Variants in GALNT13 observed in about 807,000 individuals in gnomAD.
GALNT13 encodes UDP-GalNAc:polypeptide N-acetylgalactosaminyltransferase 13.
A neutral mutation model predicts 64.2 loss-of-function variants in GALNT13; 28 were observed. The observed-to-expected ratio is 0.44, with a 90% CI of 0.32 to 0.60. The LOEUF (loss-of-function observed/expected upper bound fraction) is 0.60, where lower values mean the gene tolerates loss of function less well. Ranked by LOEUF, GALNT13 falls within the 20% of genes least tolerant of loss-of-function variation. The pLI, the probability that GALNT13 is intolerant of heterozygous loss-of-function variation, is 0.05. For missense variants in GALNT13, 577 were observed against 669.8 expected, an observed-to-expected ratio of 0.86 and a Z score of 1.53; for synonymous variants, 214 against 224.6, an observed-to-expected ratio of 0.95 and a Z score of 0.42.
chr2:153,985,710 G>A (rs894914516), intron 3 of GALNT13, among the ~76,000 whole-genome samples: 3 of 151,960 alleles, frequency 2.0e-5, no homozygotes, highest in African/African-American at 4.8e-5. Flanking sequence ...TGAAAATGAA[G>A]AGCTGACCCC....
At chr2:154,280,424 A>T (rs1336047314) in intron 8 of GALNT13, among the ~76,000 whole-genome samples, 1 of 152,158 alleles carries the variant, frequency 6.6e-6, no homozygotes, top group East Asian at 1.9e-4. Flanking sequence ...TTAGAAAAAA[A>T]TTCTCAAGAG....
the GALNT13 span, among the ~76,000 whole-genome samples, chr2:153,455,098 TAAGG>T: frequency 5.5e-4 from 83 of 152,130 alleles, no homozygotes; most frequent in African/African-American, 1.9e-3. Context: ...AAGGGTTGGG[TAAGG>T]AAGAAGGATT....
chr2:153,964,412 G>T (rs1299623169), intron 3 of GALNT13, among the ~76,000 whole-genome samples: 1 of 152,104 alleles, frequency 6.6e-6, no homozygotes, highest in Non-Finnish European at 1.5e-5. Flanking sequence ...TCATGCAACT[G>T]CACTCCTGCC....
the GALNT13 span, among the ~76,000 whole-genome samples, chr2:153,629,886 C>G: frequency 6.8e-6 from 1 of 148,062 alleles, no homozygotes; most frequent in Non-Finnish European, 1.5e-5. Flanking sequence ...AGCCAAAAAA[C>G]ACATGAAAAA....
chr2:153,907,656 T>G (rs559608992), intron 2 of GALNT13, among the ~76,000 whole-genome samples: 1 of 152,210 alleles, frequency 6.6e-6, no homozygotes, highest in Non-Finnish European at 1.5e-5. Context: ...ACATGTGGTA[T>G]TTGTTTTCTG....
intron 12 of GALNT13, among the ~76,000 whole-genome samples, chr2:154,442,026 A>G (rs909760907): frequency 6.6e-6 from 1 of 151,786 alleles, no homozygotes; most frequent in African/African-American, 2.4e-5. Context: ...GATGTTGTCG[A>G]AAAACTGGAA....
chr2:153,971,517 AGAG>A (rs1693739478), intron 3 of GALNT13, among the ~76,000 whole-genome samples: 1 of 152,166 alleles, frequency 6.6e-6, no homozygotes, highest in African/African-American at 2.4e-5. Context: ...AAGAATCTGC[AGAG>A]CAAGAATTCA....
the GALNT13 span, among the ~76,000 whole-genome samples, chr2:153,658,094 C>A: frequency 6.6e-6 from 1 of 152,116 alleles, no homozygotes; most frequent in East Asian, 1.9e-4. Flanking sequence ...ATTCAAGACC[C>A]CTTCTCAGGG....
At chr2:153,545,977 C>T in the GALNT13 span, among the ~76,000 whole-genome samples, 1 of 152,264 alleles carries the variant, frequency 6.6e-6, no homozygotes, top group Middle Eastern at 3.4e-3. Flanking sequence ...CCTCACCAGC[C>T]CTGTGGTTCG....
the GALNT13 span, among the ~76,000 whole-genome samples, chr2:153,641,727 T>C: frequency 6.6e-6 from 1 of 152,164 alleles, no homozygotes; most frequent in Non-Finnish European, 1.5e-5. Flanking sequence ...TTTCTGCTTT[T>C]CTGAAAAAAT....
At chr2:154,123,515 C>G (rs1177729108) in intron 3 of GALNT13, among the ~76,000 whole-genome samples, 1 of 151,646 alleles carries the variant, frequency 6.6e-6, no homozygotes, top group African/African-American at 2.4e-5. Context: ...TTTAAAAAGG[C>G]ACACTGAATA....
the GALNT13 span, among the ~76,000 whole-genome samples, chr2:153,072,267 T>G: frequency 1.3e-5 from 2 of 152,172 alleles, no homozygotes; most frequent in Non-Finnish European, 2.9e-5. Context: ...CGCTAAGCAG[T>G]GTGGGACCGG....
chr2:153,850,833 T>C, the GALNT13 span, among the ~76,000 whole-genome samples: 1 of 151,970 alleles, frequency 6.6e-6, no homozygotes, highest in Non-Finnish European at 1.5e-5. Flanking sequence ...CAACAGAAAG[T>C]AGAAGTAATG....
At chr2:153,701,350 T>C in the GALNT13 span, among the ~76,000 whole-genome samples, 1 of 152,182 alleles carries the variant, frequency 6.6e-6, no homozygotes, top group Non-Finnish European at 1.5e-5. Context: ...TAATTCAAGA[T>C]GGATTAAAGA....
the GALNT13 span, among the ~76,000 whole-genome samples, chr2:153,080,799 G>A: frequency 2.6e-5 from 4 of 152,068 alleles, no homozygotes; most frequent in African/African-American, 9.6e-5. Context: ...ATGTTTTGCT[G>A]TGTTACTGGG....
chr2:154,002,337 C>T (rs1002621828), intron 3 of GALNT13, among the ~76,000 whole-genome samples: 2 of 151,660 alleles, frequency 1.3e-5, no homozygotes, highest in African/African-American at 2.4e-5. Context: ...GCTTGTAGGC[C>T]TTTTTCACTC....
intron 9 of GALNT13, among the ~76,000 whole-genome samples, chr2:154,356,473 GA>G (rs1290612180): frequency 6.6e-6 from 1 of 151,392 alleles, no homozygotes; most frequent in Non-Finnish European, 1.5e-5. Context: ...AAATTATTTT[GA>G]AAAAAATTGT....
chr2:153,530,365 A>T, the GALNT13 span, among the ~76,000 whole-genome samples: 1 of 152,100 alleles, frequency 6.6e-6, no homozygotes, highest in African/African-American at 2.4e-5. Flanking sequence ...TGAAAGAAAT[A>T]GAAGAAAATT....
the GALNT13 span, among the ~76,000 whole-genome samples, chr2:153,777,840 G>A: frequency 8.5e-5 from 13 of 152,274 alleles, no homozygotes; most frequent in African/African-American, 3.1e-4. Flanking sequence ...GGTGGCTTGG[G>A]TTAGTCAGCT....
Sources: allele counts gnomAD v4.1 joint callset (sites outside exome capture counted in the v4.1 genomes callset), GRCh38; gene constraint gnomAD v4.1.1; transcripts MANE v1.5; gene names NCBI Gene and HGNC (gene_info 2026-07-23, HGNC 2026-07-21).